Variants in LRP12 observed in about 807,000 individuals in gnomAD.
LRP12 encodes the protein LDL receptor related protein 12, also known as low-density lipoprotein receptor-related protein 12.
LRP12 carries 14 observed loss-of-function variants against 66.0 expected under a neutral mutation model. That is an observed-to-expected ratio of 0.21 (90% CI 0.14 to 0.33). The LOEUF (loss-of-function observed/expected upper bound fraction) is 0.33. LRP12 is among the 10% of genes least tolerant of loss of function. LRP12 has a pLI of 1.00. For missense variants in LRP12, 889 were observed against 1,053.4 expected (o/e 0.84, Z 2.16); for synonymous variants, 357 against 359.1 (o/e 0.99, Z 0.07).
chr8:104,538,712 CACTG>C (rs1304186971), intron 1 of LRP12, among the ~76,000 whole-genome samples: 2 of 152,166 alleles, frequency 1.3e-5, no homozygotes, highest in African/African-American at 4.8e-5. Flanking sequence ...TCTAAAGCAG[CACTG>C]ACTAACAGAA....
At chr8:104,513,044 GATC>G (rs1325544158) in intron 2 of LRP12, among the ~76,000 whole-genome samples, 2 of 152,140 alleles carry the variant, frequency 1.3e-5, no homozygotes, top group Non-Finnish European at 2.9e-5. Flanking sequence ...TCTGGCTTCA[GATC>G]TAGCCAGTGG....
At chr8:104,511,933 T>C (rs1811005448) in intron 2 of LRP12, among the ~76,000 whole-genome samples, 1 of 152,006 alleles carries the variant, frequency 6.6e-6, no homozygotes, top group Admixed American at 6.5e-5. Flanking sequence ...GTTTCGTTAG[T>C]AAATCTCCCT....
rs1328858146 is a variant in LRP12, at chr8:104,495,086, TGAACAAACA to T, written c.1695_1703del (p.Val566_Ser568del). 6.2e-7 allele frequency: 1 copy of T among 1,613,450 alleles called. No homozygotes were observed. Among genetic ancestry groups the T allele is most frequent in the South Asian group, 1.1e-5 (1 of 90,958 alleles). On this transcript the variant is annotated inframe_deletion, in exon 6 of 7. Coordinates refer to ENST00000276654, the MANE Select transcript of LRP12 (RefSeq NM_013437.5). ...ACACATTGCAATATACCTGATTAGG[TGAACAAACA>T]GGAAAATCTTCAACTGGTGGAATTA...
intron 1 of LRP12, among the ~76,000 whole-genome samples, chr8:104,538,656 T>C (rs1160464247): frequency 1.3e-5 from 2 of 152,068 alleles, no homozygotes; most frequent in Non-Finnish European, 2.9e-5. Context: ...GGCCTCCTAA[T>C]GGAAGAACAC....
intron 1 of LRP12, among the ~76,000 whole-genome samples, chr8:104,565,867 A>G (rs1811992273): frequency 6.7e-6 from 1 of 149,622 alleles, no homozygotes; most frequent in South Asian, 2.2e-4. Flanking sequence ...TCTCAAAAAA[A>G]AAAAAAATAC....
chr8:104,491,128 T>A lies in LRP12; in HGVS notation c.2125A>T (p.Arg709Trp). 1.2e-6 allele frequency: 2 copies of A among 1,614,102 alleles called. No individual in the cohort carries two copies. The highest frequency in any genetic ancestry group is 1.7e-6 in the Non-Finnish European group (2 of 1,180,020). Reference protein sequence around the residue: ...STRGGHADNGRDVTSVEPPSV... With the variant: ...STRGGHADNGWDVTSVEPPSV... ...GGGGGTTCCACACTTGTCACATCCC[T>A]TCCATTATCTGCATGACCACCTCGG... The change falls in exon 7 of 7, where the codon AGG (arginine) becomes TGG (tryptophan). Residue 709 changes from arginine to tryptophan, a missense_variant. Physicochemically the swap from Arg to Trp is moderately radical, Grantham distance 101. This residue lies in a region of LRP12 where 800 missense variants were observed against 964.5 expected (regional missense o/e 0.83). Transcript: ENST00000276654.
At chr8:104,523,585 C>T (rs1811181756) in intron 2 of LRP12, among the ~76,000 whole-genome samples, 1 of 152,144 alleles carries the variant, frequency 6.6e-6, no homozygotes, top group African/African-American at 2.4e-5. Context: ...GTTGTTATCT[C>T]CAGTAAATTG....
intron 2 of LRP12, among the ~76,000 whole-genome samples, chr8:104,524,694 C>T (rs901242374): frequency 1.3e-5 from 2 of 152,196 alleles, no homozygotes; most frequent in African/African-American, 4.8e-5. Flanking sequence ...ATTTAATATA[C>T]TACTATTAAT....
chr8:104,523,367 A>G (rs1259350013), intron 2 of LRP12, among the ~76,000 whole-genome samples: 1 of 152,234 alleles, frequency 6.6e-6, no homozygotes, highest in Non-Finnish European at 1.5e-5. Flanking sequence ...ATCAAAACCT[A>G]CACAAACACT....
rs546235863 is a variant in LRP12 at position 104,588,991 on chromosome 8, C to A, written c.-94G>T. The A allele has an allele frequency of 7.4e-5, 68 of 921,176 alleles. No homozygotes were observed. The highest frequency in any genetic ancestry group is 1.0e-4 in the Non-Finnish European group (64 of 622,472). 57.1% of individuals were successfully genotyped at this position (921,176 alleles called of 1,614,324 possible). Reference sequence around the variant, plus strand: ...GCCGACGCCGCCGCCGCCGCCGCCGCCGCCGCCGAGCCACCGGCTGCTCCC... The same window carrying A: ...GCCGACGCCGCCGCCGCCGCCGCCGACGCCGCCGAGCCACCGGCTGCTCCC... On this transcript the variant is annotated 5_prime_UTR_variant, in exon 1 of 7. Transcript: ENST00000276654.
At position 104,499,535 on chromosome 8, in the gene LRP12, G is replaced by C. The variant is rs751778797; in HGVS notation, c.273-16C>G. On this transcript the variant is annotated splice_polypyrimidine_tract_variant and intron_variant, in intron 3 of 6. Transcript: ENST00000276654. ...ATCCTGAAAACTGAAAAAAAAATCAGAAATGTCTATTAAAAAGTCAATTTT... is the reference window on the plus strand; with the variant it reads ...ATCCTGAAAACTGAAAAAAAAATCACAAATGTCTATTAAAAAGTCAATTTT... The C allele has an allele frequency of 6.4e-7, 1 of 1,564,996 alleles. No homozygotes were observed. The highest frequency in any genetic ancestry group is 2.0e-5 in the Admixed American group (1 of 50,396).
In LRP12 at chr8:104,490,930, T is replaced by C; in HGVS notation, c.2323A>G (p.Met775Val). 2 of 1,614,046 alleles carry C rather than the reference T, an allele frequency of 1.2e-6. No homozygotes were observed. The highest frequency in any genetic ancestry group is 1.7e-6 in the Non-Finnish European group (2 of 1,180,018). ...GATCCATCAGAAATTGGAATTAGCA[T>C]TTCAACATCATCATCATCTTCTCTT... ...SGREDDDDVE[M>V]LIPISDGSSD... Residue 775 changes from methionine (M) to valine (V), a missense_variant, in exon 7 of 7, where the codon ATG becomes GTG. By Grantham distance (21) the Met-to-Val change is conservative. Transcript: ENST00000276654.
intron 2 of LRP12, among the ~76,000 whole-genome samples, chr8:104,516,670 C>A (rs1811075539): frequency 6.6e-6 from 1 of 151,982 alleles, no homozygotes; most frequent in African/African-American, 2.4e-5. Context: ...GGTTTTAAAA[C>A]TAGATTAATG....
intron 1 of LRP12, among the ~76,000 whole-genome samples, chr8:104,583,381 T>C (rs1431550221): frequency 6.6e-6 from 1 of 152,184 alleles, no homozygotes; most frequent in East Asian, 1.9e-4. Context: ...ATCCTGGGCC[T>C]TTCATGCATT....
intron 6 of LRP12, among the ~76,000 whole-genome samples, chr8:104,493,221 T>C (rs1457192102): frequency 6.6e-6 from 1 of 152,196 alleles, no homozygotes; most frequent in African/African-American, 2.4e-5. Context: ...AAAGCATTCC[T>C]CAAAAAGCGT....
At chr8:104,546,891 AAT>A (rs1811567740) in intron 1 of LRP12, among the ~76,000 whole-genome samples, 2 of 87,518 alleles carry the variant, frequency 2.3e-5, no homozygotes, top group East Asian at 2.8e-4. Flanking sequence ...TTCTTCTTAT[AAT>A]TATTATTATA....
intron 2 of LRP12, among the ~76,000 whole-genome samples, chr8:104,513,343 CAT>C (rs1169804472): frequency 3.3e-5 from 5 of 152,184 alleles, no homozygotes; most frequent in Non-Finnish European, 7.3e-5. Context: ...ATAATTTCCT[CAT>C]GTGTTGAAAT....
At chr8:104,492,234 T>C (rs1020729980) in intron 6 of LRP12, among the ~76,000 whole-genome samples, 2 of 152,196 alleles carry the variant, frequency 1.3e-5, no homozygotes, top group African/African-American at 4.8e-5. Context: ...AGTTTTATTT[T>C]CTATAGTTTA....
chr8:104,552,395 C>T lies in LRP12; in HGVS notation c.80-20432G>A, dbSNP rs561128482. Among the ~76,000 whole-genome samples the T allele has an allele frequency of 2.1e-3, 306 of 147,982 alleles. 1 individual carries two copies. The highest frequency in any genetic ancestry group is 7.4e-3 in the African/African-American group (298 of 40,086). On this transcript the variant is annotated intron_variant, in intron 1 of 6. Coordinates refer to ENST00000276654, the MANE Select transcript of LRP12 (RefSeq NM_013437.5). ...TTGTTGTTTTTTTTTTTTTGCCGGGCGTGGTGGTTCATGCCTGTAATCCCA... is the reference window on the plus strand; with the variant it reads ...TTGTTGTTTTTTTTTTTTTGCCGGGTGTGGTGGTTCATGCCTGTAATCCCA...
Sources: gnomAD v4.1 joint callset for allele counts (sites outside exome capture counted in the v4.1 genomes callset) on GRCh38, gnomAD v4.1.1 for gene constraint, gnomAD v4.1.1 regional missense constraint, MANE v1.5 for transcripts, NCBI Gene and HGNC (gene_info 2026-07-23, HGNC 2026-07-21) for gene names.